Variants in MAP3K3 observed in about 807,000 individuals in gnomAD.
MAP3K3 encodes the protein MAP/ERK kinase kinase 3.
MAP3K3 carries 12 observed loss-of-function variants against 80.9 expected under a neutral mutation model. The observed-to-expected ratio is 0.15, with a 90% CI of 0.10 to 0.24. The LOEUF (loss-of-function observed/expected upper bound fraction) is 0.24, where lower values mean the gene tolerates loss of function less well. Ranked by LOEUF, MAP3K3 falls within the 10% of genes least tolerant of loss-of-function variation. The probability of loss-of-function intolerance (pLI) is 1.00; values close to 1 mark genes in which losing one functional copy is unlikely to be tolerated. For missense variants in MAP3K3, 596 were observed against 834.7 expected (o/e 0.71, Z 3.52); for synonymous variants, 272 against 307.1 (o/e 0.89, Z 1.19).
chr17:63,694,435 C>T lies in MAP3K3; in HGVS notation c.*658C>T, dbSNP rs140222424. The T allele has an allele frequency of 4.5e-3, 681 of 152,822 alleles. 3 individuals carry two copies. Among genetic ancestry groups the T allele is most frequent in the Non-Finnish European group, 7.5e-3 (511 of 68,078 alleles). The allele number at this position is 152,822 out of a possible 1,614,324, so 9.5% of individuals were successfully genotyped here. A position where few individuals can be genotyped will look rare whatever the true frequency, so the allele number is the denominator to read the frequency against. ...ACCCTGCCTCTCCCAGGCAGGGGCCCGCGATGTGGAACTGCTGCCACTGAG... is the reference window on the plus strand; with the variant it reads ...ACCCTGCCTCTCCCAGGCAGGGGCCTGCGATGTGGAACTGCTGCCACTGAG... On this transcript the variant is annotated 3_prime_UTR_variant, in exon 16 of 16. Coordinates refer to ENST00000361733, the MANE Select transcript of MAP3K3 (RefSeq NM_002401.5).
rs1406232279 is a variant in MAP3K3 at position 63,636,771 on chromosome 17, CAAG to C, written c.126+3970_126+3972del. On this transcript the variant is annotated intron_variant, in intron 2 of 15. Coordinates refer to ENST00000361733, the MANE Select transcript of MAP3K3 (RefSeq NM_002401.5). ...TTGTCAGCGACAATGAGGAGGAAGA[CAAG>C]GAGGCAGCCCGGCTGTGGGAGAAGT... The C allele has an allele frequency of 1.6e-5, 5 of 321,678 alleles. No individual in the cohort carries two copies. The East Asian group carries it at 2.9e-4, about 18-fold the overall frequency. The allele number at this position is 321,678 out of a possible 1,614,324, so 19.9% of individuals were successfully genotyped here. A position where few individuals can be genotyped will look rare whatever the true frequency, so the allele number is the denominator to read the frequency against.
intron 5 of MAP3K3, among the ~76,000 whole-genome samples, chr17:63,665,347 A>G (rs908701072): frequency 2.0e-5 from 3 of 151,796 alleles, no homozygotes; most frequent in African/African-American, 7.3e-5. Flanking sequence ...TTGTATTTTT[A>G]TTAGAGACGG....
intron 2 of MAP3K3, among the ~76,000 whole-genome samples, chr17:63,635,138 C>T (rs1433830231): frequency 6.6e-6 from 1 of 152,220 alleles, no homozygotes; most frequent in African/African-American, 2.4e-5. Context: ...TTAATTTAGA[C>T]AGCCACATGT....
chr17:63,693,532 G>A lies in MAP3K3; in HGVS notation c.1653-17G>A. 6.3e-7 allele frequency: 1 copy of A among 1,593,376 alleles called. No individual in the cohort carries two copies. The highest frequency in any genetic ancestry group is 8.5e-7 in the Non-Finnish European group (1 of 1,170,856). ...CCAGGGCTGGCTGAGGGGTGACACGGGGTTCTCTCTTTCCAGGAGCCTGGG... is the reference window on the plus strand; with the variant it reads ...CCAGGGCTGGCTGAGGGGTGACACGAGGTTCTCTCTTTCCAGGAGCCTGGG... On this transcript the variant is annotated splice_polypyrimidine_tract_variant and intron_variant, in intron 15 of 15. Transcript: ENST00000361733. The surrounding 1 kb of genome is among the most constrained non-coding windows in gnomAD (Gnocchi z 4.2).
chr17:63,627,267 C>T (rs2034121448), intron 1 of MAP3K3, among the ~76,000 whole-genome samples: 2 of 152,132 alleles, frequency 1.3e-5, no homozygotes, highest in African/African-American at 4.8e-5. Flanking sequence ...TCCATGAATA[C>T]TCCTCCTTTT....
At position 63,691,629 on chromosome 17, in the gene MAP3K3, AT is replaced by A. The variant is rs2035592771; in HGVS notation, c.1345-102del. On this transcript the variant is annotated intron_variant, in intron 13 of 15. Coordinates refer to ENST00000361733, the MANE Select transcript of MAP3K3 (RefSeq NM_002401.5). The surrounding 1 kb of genome is among the most constrained non-coding windows in gnomAD (Gnocchi z 4.8). ...AAATGCCCTGCCCAGCCAGATAGGA[AT>A]TGAACAAATCACTCCTTTGCTGCCA... The A allele has an allele frequency of 6.7e-7, 1 of 1,486,200 alleles. No homozygotes were observed. Among genetic ancestry groups the A allele is most frequent in the Admixed American group, 2.0e-5 (1 of 49,226 alleles). 92.1% of individuals were successfully genotyped at this position (1,486,200 alleles called of 1,614,324 possible).
At chr17:63,649,510 C>G (rs1440100796) in intron 3 of MAP3K3, among the ~76,000 whole-genome samples, 1 of 152,166 alleles carries the variant, frequency 6.6e-6, no homozygotes, top group Non-Finnish European at 1.5e-5. Flanking sequence ...GCCTCCACCT[C>G]CCAGGCTCAA....
At chr17:63,677,709 C>A (rs893463194) in intron 6 of MAP3K3, among the ~76,000 whole-genome samples, 1 of 152,210 alleles carries the variant, frequency 6.6e-6, no homozygotes, top group Non-Finnish European at 1.5e-5. Context: ...ATTTGAGCTG[C>A]ATGAAACATG....
At chr17:63,671,315 G>A (rs2035103572) in intron 6 of MAP3K3, among the ~76,000 whole-genome samples, 1 of 151,790 alleles carries the variant, frequency 6.6e-6, no homozygotes, top group East Asian at 1.9e-4. Flanking sequence ...AAGTGCAGTG[G>A]TGTGATCTCG....
rs779324350 is a variant in MAP3K3 at position 63,646,020 on chromosome 17, A to G, written c.127-14A>G. The G allele has an allele frequency of 6.2e-7, 1 of 1,613,272 alleles. No homozygotes were observed. Among genetic ancestry groups the G allele is most frequent in the Non-Finnish European group, 8.5e-7 (1 of 1,179,220 alleles). On this transcript the variant is annotated splice_polypyrimidine_tract_variant and intron_variant, in intron 2 of 15. Transcript: ENST00000361733. ...CAGAGAATTCTCTAACCTGTCTATCATTCTTTTTGGCAGAGTGACGTCAGA... is the reference window on the plus strand; with the variant it reads ...CAGAGAATTCTCTAACCTGTCTATCGTTCTTTTTGGCAGAGTGACGTCAGA...
intron 6 of MAP3K3, among the ~76,000 whole-genome samples, chr17:63,671,379 C>T (rs146005097): frequency 0.031 from 4,732 of 152,014 alleles, 101 homozygotes; most frequent in Non-Finnish European, 0.052. Flanking sequence ...CCTCAGCCTC[C>T]CAAGTAGCTG....
rs188512182 is a variant in MAP3K3 at position 63,632,550 on chromosome 17, A to G, written c.5-131A>G. ...GCCATAGTCTGACCTTTTGGGCTGCATCTGATTATAGTTACAGGGTCTGTC... is the reference window on the plus strand; with the variant it reads ...GCCATAGTCTGACCTTTTGGGCTGCGTCTGATTATAGTTACAGGGTCTGTC... On this transcript the variant is annotated intron_variant, in intron 1 of 15. Coordinates refer to ENST00000361733, the MANE Select transcript of MAP3K3 (RefSeq NM_002401.5). 1.2e-5 allele frequency: 12 copies of G among 983,620 alleles called. No individual in the cohort carries two copies. In the Admixed American group the frequency reaches 2.6e-4, roughly 21 times the overall value. The allele number at this position is 983,620 out of a possible 1,614,324, so 60.9% of individuals were successfully genotyped here. A position where few individuals can be genotyped will look rare whatever the true frequency, so the allele number is the denominator to read the frequency against.
At position 63,681,832 on chromosome 17, in the gene MAP3K3, C is replaced by A; in HGVS notation, c.569C>A (p.Ala190Asp). The A allele has an allele frequency of 6.5e-7, 1 of 1,548,346 alleles. No homozygotes were observed. The highest frequency in any genetic ancestry group is 8.7e-7 in the Non-Finnish European group (1 of 1,142,928). The change falls in exon 7 of 16, where the codon GCC becomes GAC. Residue 190 changes from alanine (A) to aspartate (D), a missense_variant. Coordinates refer to ENST00000361733, the MANE Select transcript of MAP3K3 (RefSeq NM_002401.5). Reference sequence around the variant, plus strand: ...GTTCCTGAGCGGCAGCAGCACATTGCCCGGCAGGGGTCCTACACCAGCATC... The same window carrying A: ...GTTCCTGAGCGGCAGCAGCACATTGACCGGCAGGGGTCCTACACCAGCATC... ...GYVPERQQHIARQGSYTSINS... is the reference protein window; with the variant it reads ...GYVPERQQHIDRQGSYTSINS...
At chr17:63,626,279 AT>A (rs2034100170) in intron 1 of MAP3K3, among the ~76,000 whole-genome samples, 1 of 152,218 alleles carries the variant, frequency 6.6e-6, no homozygotes, top group Non-Finnish European at 1.5e-5. Flanking sequence ...TGCCTGTGTT[AT>A]CCTGTCCTCA....
rs145718559 is a variant in MAP3K3, at chr17:63,680,803, GT to G, written c.503-949del. ...AAATAATTGTTTTTGGGTGTTTTGG[GT>G]TTTTTTTTTTTTTAAGATTTAAGTT... On this transcript the variant is annotated intron_variant, in intron 6 of 15. Coordinates refer to ENST00000361733, the MANE Select transcript of MAP3K3 (RefSeq NM_002401.5). Among the ~76,000 whole-genome samples, 1,105 of 140,388 alleles carry G rather than the reference GT, an allele frequency of 7.9e-3. 7 individuals carry two copies. Among genetic ancestry groups the G allele is most frequent in the Non-Finnish European group, 0.013 (801 of 63,864 alleles). 92.1% of individuals were successfully genotyped at this position (140,388 alleles called of 152,430 possible).
At chr17:63,681,321 C>G (rs1383375466) in intron 6 of MAP3K3, among the ~76,000 whole-genome samples, 2 of 152,196 alleles carry the variant, frequency 1.3e-5, no homozygotes, top group Non-Finnish European at 2.9e-5. Flanking sequence ...TTACCTTTCC[C>G]TGGTCCCCAC....
chr17:63,690,471 A>G, intron 12 of MAP3K3, 59 bp downstream of exon 12: 1 of 1,576,106 alleles, frequency 6.3e-7, no homozygotes, highest in Non-Finnish European at 8.7e-7. Flanking sequence ...TGCCTGTCTT[A>G]CCACACAGAG....
intron 2 of MAP3K3, among the ~76,000 whole-genome samples, chr17:63,641,276 T>C (rs920596489): frequency 2.0e-5 from 3 of 151,824 alleles, no homozygotes; most frequent in East Asian, 3.9e-4. Context: ...GGAGTCTTGT[T>C]CTGTCACCCA....
intron 8 of MAP3K3, among the ~76,000 whole-genome samples, chr17:63,686,393 G>A (rs1475490993): frequency 6.6e-6 from 1 of 152,214 alleles, no homozygotes; most frequent in East Asian, 1.9e-4. Context: ...TACAGTCATG[G>A]TTACTTGGTT....
Sources: allele counts gnomAD v4.1 joint callset (sites outside exome capture counted in the v4.1 genomes callset), GRCh38; gene constraint gnomAD v4.1.1; non-coding constraint Gnocchi (gnomAD v3.1); transcripts MANE v1.5; gene names NCBI Gene and HGNC (gene_info 2026-07-23, HGNC 2026-07-21).